The following TENT2 variants were observed in gnomAD, a reference collection of about 807,000 sequenced individuals.
The protein encoded by TENT2 is poly(A) RNA polymerase GLD2.
Under a neutral mutation model 72.2 loss-of-function variants are expected in TENT2, and 44 were observed. That is an observed-to-expected ratio of 0.61 (90% CI 0.48 to 0.78). The LOEUF (loss-of-function observed/expected upper bound fraction) is 0.78, where lower values mean the gene tolerates loss of function less well. Among genes scored for constraint, TENT2 ranks in the 30% least tolerant of loss-of-function variants. The pLI is 0.00. For synonymous variants in TENT2, 212 were observed against 192.5 expected, an observed-to-expected ratio of 1.10 and a Z score of -0.84; for missense variants, 541 against 569.6, an observed-to-expected ratio of 0.95 and a Z score of 0.51.
At chr5:79,628,114 A>C (rs1001215140) in intron 4 of TENT2, among the ~76,000 whole-genome samples, 2 of 152,236 alleles carry the variant, frequency 1.3e-5, no homozygotes, top group African/African-American at 4.8e-5. Flanking sequence ...GGGTAGGCAG[A>C]TGACATTGTA....
chr5:79,687,770 A>G lies in TENT2; in HGVS notation c.*2497A>G, dbSNP rs892131159. Among the ~76,000 whole-genome samples the G allele has an allele frequency of 5.3e-5, 8 of 152,248 alleles. No homozygotes were observed. The highest frequency in any genetic ancestry group is 3.9e-4 in the Admixed American group (6 of 15,288). ...TTTAAAATGTGCAATCTGTACTACA[A>G]TTCTAAATTTTGGATTGATTTGAAC... On this transcript the variant is annotated 3_prime_UTR_variant, in exon 15 of 15. Transcript: ENST00000453514.
chr5:79,640,421 A>G (rs1462237925), intron 4 of TENT2, among the ~76,000 whole-genome samples: 1 of 152,146 alleles, frequency 6.6e-6, no homozygotes, highest in Non-Finnish European at 1.5e-5. Flanking sequence ...GGATTGGGCA[A>G]ACTTCTTTAA....
chr5:79,681,943 TTAA>T (rs778708971), intron 13 of TENT2, 36 bp from the exon 14 acceptor site: 1 of 1,531,988 alleles, frequency 6.5e-7, no homozygotes, highest in South Asian at 1.2e-5. Context: ...AGCTCTCATT[TTAA>T]TAATTTTTCC....
At chr5:79,674,078 G>A (rs977473542) in intron 12 of TENT2, among the ~76,000 whole-genome samples, 1 of 152,112 alleles carries the variant, frequency 6.6e-6, no homozygotes, top group Non-Finnish European at 1.5e-5. Context: ...CTCCTCAAAA[G>A]TCAGTATCAT....
chr5:79,635,871 C>T (rs1779716453), intron 4 of TENT2, among the ~76,000 whole-genome samples: 1 of 152,142 alleles, frequency 6.6e-6, no homozygotes, highest in Non-Finnish European at 1.5e-5. Context: ...ATTTATTTTG[C>T]TATTCAACAA....
At chr5:79,624,766 C>T (rs1768018183) in intron 4 of TENT2, among the ~76,000 whole-genome samples, 1 of 152,176 alleles carries the variant, frequency 6.6e-6, no homozygotes, top group Admixed American at 6.5e-5. Flanking sequence ...GAATAATACT[C>T]TATTGTATGA....
At chr5:79,681,023 A>G (rs1354749632) in intron 13 of TENT2, among the ~76,000 whole-genome samples, 33 of 151,422 alleles carry the variant, frequency 2.2e-4, no homozygotes, top group Admixed American at 2.2e-3. Context: ...AAGTATATAT[A>G]TTGGAGACAC....
chr5:79,656,503 AAAT>A (rs1252971311), intron 10 of TENT2, among the ~76,000 whole-genome samples: 2 of 152,092 alleles, frequency 1.3e-5, no homozygotes, highest in East Asian at 3.9e-4. Context: ...AGTGGAAATT[AAAT>A]AATAAAGGGA....
chr5:79,631,523 G>T (rs1467369327), intron 4 of TENT2, among the ~76,000 whole-genome samples: 1 of 152,216 alleles, frequency 6.6e-6, no homozygotes. Context: ...TCAGCATACA[G>T]ATGGTAATTG....
intron 1 of TENT2, among the ~76,000 whole-genome samples, chr5:79,616,365 AT>A (rs879735158): frequency 4.8e-4 from 72 of 150,104 alleles, no homozygotes; most frequent in Admixed American, 1.7e-3. Context: ...CGCCTGGCTG[AT>A]TTTTTTTGTA....
intron 12 of TENT2, among the ~76,000 whole-genome samples, chr5:79,676,943 C>G (rs139412343): frequency 3.9e-5 from 6 of 152,240 alleles, no homozygotes; most frequent in East Asian, 1.9e-4. Context: ...GAAGATATTT[C>G]TAAATTACCA....
At chr5:79,640,269 A>G (rs1260193094) in intron 4 of TENT2, among the ~76,000 whole-genome samples, 1 of 151,862 alleles carries the variant, frequency 6.6e-6, no homozygotes, top group Non-Finnish European at 1.5e-5. Context: ...AAAAAAAAAA[A>G]AAGGTGGTAA....
At position 79,657,021 on chromosome 5, in the gene TENT2, T is replaced by C; in HGVS notation, c.1071+20T>C. ...TACCCAGTAAGTGTTTCTTATAAAT[T>C]ATTATAATACATTTTATGTCAAGTG... On this transcript the variant is annotated intron_variant, in intron 11 of 14. Coordinates refer to ENST00000453514, the MANE Select transcript of TENT2 (RefSeq NM_001114394.3). 2 of 1,497,284 alleles carry C rather than the reference T, an allele frequency of 1.3e-6. No individual in the cohort carries two copies. Among genetic ancestry groups the C allele is most frequent in the Non-Finnish European group, 1.9e-6 (2 of 1,077,296 alleles). The allele number at this position is 1,497,284 out of a possible 1,614,324, so 92.7% of individuals were successfully genotyped here. A position where few individuals can be genotyped will look rare whatever the true frequency, so the allele number is the denominator to read the frequency against.
At chr5:79,677,338 ATATC>A (rs2150863964) in intron 12 of TENT2, among the ~76,000 whole-genome samples, 1 of 152,354 alleles carries the variant, frequency 6.6e-6, no homozygotes, top group South Asian at 2.1e-4. Flanking sequence ...TAAAATGAAT[ATATC>A]TATTAACATA....
At chr5:79,628,196 C>T (rs1772007326) in intron 4 of TENT2, among the ~76,000 whole-genome samples, 1 of 152,138 alleles carries the variant, frequency 6.6e-6, no homozygotes, top group South Asian at 2.1e-4. Context: ...TGGCATTGTG[C>T]TCGACAGTTT....
intron 3 of TENT2, among the ~76,000 whole-genome samples, chr5:79,622,054 A>G (rs1042867145): frequency 6.6e-6 from 1 of 152,026 alleles, no homozygotes. Flanking sequence ...TAATCCCAGC[A>G]CTTTGGGAGG....
intron 11 of TENT2, among the ~76,000 whole-genome samples, chr5:79,668,323 C>T (rs1810153198): frequency 6.6e-6 from 1 of 152,016 alleles, no homozygotes; most frequent in African/African-American, 2.4e-5. Flanking sequence ...TCTTTTCAAG[C>T]TTAATTCAGG....
chr5:79,635,057 T>G (rs1415211945), intron 4 of TENT2, among the ~76,000 whole-genome samples: 1 of 152,228 alleles, frequency 6.6e-6, no homozygotes, highest in Non-Finnish European at 1.5e-5. Flanking sequence ...AGTGCCATTA[T>G]GCATGGTCAG....
intron 8 of TENT2, 132 bp from the exon 9 acceptor site, chr5:79,648,485 C>T (rs1790958076): frequency 3.2e-6 from 2 of 615,978 alleles, no homozygotes; most frequent in Admixed American, 3.4e-5. Flanking sequence ...ATTTTAAAAA[C>T]ACAGATCTAT....
Sources: gnomAD v4.1 joint callset for allele counts (sites outside exome capture counted in the v4.1 genomes callset) on GRCh38, gnomAD v4.1.1 for gene constraint, MANE v1.5 for transcripts, NCBI Gene and HGNC (gene_info 2026-07-23, HGNC 2026-07-21) for gene names.